The following ABCC8 variants were observed in gnomAD, a reference collection of about 807,000 sequenced individuals.
ABCC8 encodes ATP binding cassette subfamily C member 8.
In ABCC8, 137 loss-of-function variants were observed where a neutral mutation model predicts 188.0. The ratio of observed to expected loss-of-function variants is 0.73; its 90% CI spans 0.63 to 0.84. The LOEUF (loss-of-function observed/expected upper bound fraction) is 0.84, where lower values mean the gene tolerates loss of function less well. Ranked by LOEUF, ABCC8 falls within the 40% of genes least tolerant of loss-of-function variation. The probability of loss-of-function intolerance (pLI) is 0.00; values close to 1 mark genes in which losing one functional copy is unlikely to be tolerated. For missense variants in ABCC8, 1,750 were observed against 2,072.7 expected (o/e 0.84, Z 3.02); for synonymous variants, 797 against 846.5 (o/e 0.94, Z 1.01).
chr11:17,410,657 G>A lies in ABCC8; in HGVS notation c.2557-4C>T, dbSNP rs2133461625. On this transcript the variant is annotated splice_polypyrimidine_tract_variant and splice_region_variant and intron_variant, in intron 21 of 38. Transcript: ENST00000389817. ...CCAGAGCTGAGAAGGGGTCATCCTG[G>A]GCAGAAGGGAGAGGAAGAGAGTAGA... 1 of 1,614,046 alleles carries A rather than the reference G, an allele frequency of 6.2e-7. No homozygotes were observed. The highest frequency in any genetic ancestry group is 8.5e-7 in the Non-Finnish European group (1 of 1,179,946).
chr11:17,433,653 C>A (rs1428748724), intron 10 of ABCC8, among the ~76,000 whole-genome samples: 5 of 152,198 alleles, frequency 3.3e-5, no homozygotes, highest in Admixed American at 6.5e-5. Context: ...GTACATGCCC[C>A]TTAGGAGTTC....
At chr11:17,455,364 A>G (rs554841507) in intron 6 of ABCC8, among the ~76,000 whole-genome samples, 2 of 152,310 alleles carry the variant, frequency 1.3e-5, no homozygotes, top group South Asian at 4.1e-4. Flanking sequence ...TCGTTAGACT[A>G]TGGGTGTTAC....
chr11:17,458,967 T>C (rs900703655), intron 6 of ABCC8, among the ~76,000 whole-genome samples: 2 of 152,222 alleles, frequency 1.3e-5, no homozygotes, highest in Non-Finnish European at 2.9e-5. Context: ...TTGGATTTCA[T>C]AATCCTTGGA....
At chr11:17,441,367 C>T (rs1375922497) in intron 10 of ABCC8, among the ~76,000 whole-genome samples, 2 of 152,178 alleles carry the variant, frequency 1.3e-5, no homozygotes, top group East Asian at 3.8e-4. Context: ...CTTAATTTCC[C>T]ATCTGTAAAA....
chr11:17,406,307 G>A (rs1176808136), intron 26 of ABCC8: 1 of 394,120 alleles, frequency 2.5e-6, no homozygotes, highest in Non-Finnish European at 4.6e-6. Flanking sequence ...ACTCATGGGT[G>A]GGGATGGGCA....
chr11:17,397,327 G>T lies in ABCC8; in HGVS notation c.3868-14C>A. On this transcript the variant is annotated splice_polypyrimidine_tract_variant and intron_variant, in intron 31 of 38. Coordinates refer to ENST00000389817, the MANE Select transcript of ABCC8 (RefSeq NM_000352.6). ...GTAGTTGGAGACCTGTGGGGAGCAA[G>T]CCAGTGGCGCACACTCCATGGTCGC... 6.2e-7 allele frequency: 1 copy of T among 1,608,782 alleles called. No homozygotes were observed. The highest frequency in any genetic ancestry group is 8.5e-7 in the Non-Finnish European group (1 of 1,179,968).
At chr11:17,420,099 G>T (rs1955266336) in intron 16 of ABCC8, among the ~76,000 whole-genome samples, 1 of 152,116 alleles carries the variant, frequency 6.6e-6, no homozygotes, top group Non-Finnish European at 1.5e-5. Context: ...TTAAGACCCC[G>T]GCAATAAATA....
chr11:17,427,712 T>C lies in ABCC8; in HGVS notation c.2116+155A>G, dbSNP rs1317998364. ...CTCCCACCCAGCACACGGAAGCCTC[T>C]AGAATGTAGCCTTCCCCTTCTATAA... is the stretch of plus-strand genomic sequence containing the variant. On this transcript the variant is annotated intron_variant, in intron 15 of 38. Coordinates refer to ENST00000389817, the MANE Select transcript of ABCC8 (RefSeq NM_000352.6). This position sits in a 1 kb window ranked among gnomAD's most constrained non-coding sequence, Gnocchi z 5.0. 6.6e-6 allele frequency among the ~76,000 whole-genome samples: 1 copy of C among 152,248 alleles called. No homozygotes were observed. The highest frequency in any genetic ancestry group is 1.5e-5 in the Non-Finnish European group (1 of 68,040).
intron 26 of ABCC8, 32 bp downstream of exon 26, chr11:17,406,590 A>T (rs748492830): frequency 2.5e-6 from 4 of 1,594,294 alleles, no homozygotes; most frequent in Non-Finnish European, 3.4e-6. Flanking sequence ...TGACTTGCTC[A>T]CAGTCCCAGC....
At position 17,460,638 on chromosome 11, in the gene ABCC8, G is replaced by A; in HGVS notation, c.861C>T (p.Ile287=). 6.2e-7 allele frequency: 1 copy of A among 1,611,756 alleles called. No individual in the cohort carries two copies. The highest frequency in any genetic ancestry group is 8.5e-7 in the Non-Finnish European group (1 of 1,180,028). Residue 287 remains isoleucine, a synonymous_variant, in exon 6 of 39, where the codon ATC becomes ATT. Transcript: ENST00000389817. ...DIQGTQGARA[I]WQALSHAFGR... ...CGAAGGCATGGCTGAGTGCCTGCCA[G>A]ATGGCCCGGGCACCTTGAGTGCCCT...
intron 8 of ABCC8, among the ~76,000 whole-genome samples, chr11:17,446,896 T>G (rs971597252): frequency 1.3e-5 from 2 of 152,180 alleles, no homozygotes; most frequent in African/African-American, 4.8e-5. Context: ...TATGGAATCT[T>G]TATCCCAAGA....
At chr11:17,454,013 A>G (rs1311853995) in intron 6 of ABCC8, among the ~76,000 whole-genome samples, 1 of 152,190 alleles carries the variant, frequency 6.6e-6, no homozygotes, top group Non-Finnish European at 1.5e-5. Flanking sequence ...CTCCCAGGAA[A>G]ACTTTGATCT....
At chr11:17,407,522 G>A in intron 23 of ABCC8, 69 bp from the exon 24 acceptor site, 2 of 1,607,852 alleles carry the variant, frequency 1.2e-6, no homozygotes, top group Non-Finnish European at 1.7e-6. Flanking sequence ...GGAAGTTAAG[G>A]GGTAACTACT....
chr11:17,405,472 A>G, intron 27 of ABCC8, 22 bp downstream of exon 27: 1 of 1,614,162 alleles, frequency 6.2e-7, no homozygotes, highest in Non-Finnish European at 8.5e-7. Context: ...AAGGGGGGAT[A>G]GTGTGGCACG....
intron 38 of ABCC8, 47 bp from the exon 39 acceptor site, chr11:17,393,175 C>T (rs373902077): frequency 2.2e-5 from 36 of 1,608,714 alleles, no homozygotes; most frequent in Non-Finnish European, 2.7e-5. Flanking sequence ...GAATACCACC[C>T]GCGGTGGGGG....
chr11:17,464,769 TC>T (rs1848044209), intron 3 of ABCC8, among the ~76,000 whole-genome samples: 1 of 152,064 alleles, frequency 6.6e-6, no homozygotes, highest in Admixed American at 6.6e-5. Flanking sequence ...ACCTGTGAAG[TC>T]CCCCTTTGAG....
At chr11:17,425,195 G>A (rs575715293) in intron 16 of ABCC8, among the ~76,000 whole-genome samples, 14 of 152,288 alleles carry the variant, frequency 9.2e-5, no homozygotes, top group African/African-American at 3.1e-4. Context: ...GCGAATGGAG[G>A]CAAAGACCCC....
intron 22 of ABCC8, 142 bp from the exon 23 acceptor site, chr11:17,408,659 G>GAT: frequency 5.1e-6 from 7 of 1,362,382 alleles, no homozygotes; most frequent in African/African-American, 2.9e-5. Flanking sequence ...ACTGCAAGTG[G>GAT]GCTGGTATTG....
At chr11:17,468,057 A>G (rs1848268981) in intron 3 of ABCC8, among the ~76,000 whole-genome samples, 1 of 152,210 alleles carries the variant, frequency 6.6e-6, no homozygotes, top group African/African-American at 2.4e-5. Context: ...TACTTCAGAA[A>G]TGGAAGCAGG....
Sources: gnomAD v4.1 joint callset for allele counts (sites outside exome capture counted in the v4.1 genomes callset) on GRCh38, gnomAD v4.1.1 for gene constraint, Gnocchi (gnomAD v3.1) non-coding constraint, MANE v1.5 for transcripts, NCBI Gene and HGNC (gene_info 2026-07-23, HGNC 2026-07-21) for gene names.